MME: variants seen among roughly 807,000 people sequenced by gnomAD.
MME encodes the protein neprilysin.
In MME, 98 loss-of-function variants were observed where a neutral mutation model predicts 113.2. The observed-to-expected ratio is 0.87, with a 90% CI of 0.74 to 1.02. The LOEUF (loss-of-function observed/expected upper bound fraction) is 1.02. Among genes scored for constraint, MME ranks in the 50% least tolerant of loss-of-function variants. The probability of loss-of-function intolerance (pLI) is 0.00; values close to 1 mark genes in which losing one functional copy is unlikely to be tolerated. For synonymous variants in MME, 292 were observed against 300.6 expected (o/e 0.97, Z 0.30); for missense variants, 836 against 896.0 (o/e 0.93, Z 0.86).
At chr3:155,152,297 C>A (rs1467222283) in intron 16 of MME, among the ~76,000 whole-genome samples, 3 of 152,142 alleles carry the variant, frequency 2.0e-5, no homozygotes, top group African/African-American at 7.2e-5. Context: ...CCTCACAGCA[C>A]CCCATTGCAT....
chr3:155,180,073 T>C (rs1453190665), intron 22 of MME, among the ~76,000 whole-genome samples: 1 of 152,200 alleles, frequency 6.6e-6, no homozygotes, highest in Admixed American at 6.5e-5. Context: ...AACCTTAAGA[T>C]GCATGTTCTA....
intron 20 of MME, 152 bp downstream of exon 20, chr3:155,168,949 A>C: frequency 1.5e-6 from 1 of 667,198 alleles, no homozygotes; most frequent in Non-Finnish European, 2.6e-6. Context: ...AAGAGTGGTG[A>C]ATATGCTAAC....
intron 1 of MME, chr3:155,081,469 T>C (rs1243507388): frequency 6.6e-6 from 1 of 152,242 alleles, no homozygotes; most frequent in Non-Finnish European, 1.5e-5. Context: ...TTAGACCTCC[T>C]AATTCTCTAT....
chr3:155,068,523 A>C (rs1303132285), intron 1 of MME, among the ~76,000 whole-genome samples: 1 of 152,220 alleles, frequency 6.6e-6, no homozygotes, highest in Non-Finnish European at 1.5e-5. Context: ...GGCTGGTCTG[A>C]CACGGTGTCA....
intron 8 of MME, among the ~76,000 whole-genome samples, chr3:155,132,059 G>A (rs375420465): frequency 9.9e-5 from 15 of 152,274 alleles, no homozygotes; most frequent in African/African-American, 3.6e-4. Context: ...AATGGGGAAG[G>A]CAGAACATTG....
intron 16 of MME, among the ~76,000 whole-genome samples, chr3:155,149,591 C>T (rs1472063885): frequency 6.6e-6 from 1 of 151,920 alleles, no homozygotes; most frequent in Admixed American, 6.6e-5. Flanking sequence ...CAAAGGTGAA[C>T]TTTGATTACA....
chr3:155,088,794 A>T (rs1433705801), intron 3 of MME, among the ~76,000 whole-genome samples: 1 of 152,186 alleles, frequency 6.6e-6, no homozygotes, highest in East Asian at 1.9e-4. Context: ...GGTGGGTTCA[A>T]ACCTGAGCTC....
intron 18 of MME, among the ~76,000 whole-genome samples, chr3:155,168,146 T>A (rs577135599): frequency 6.6e-6 from 1 of 152,304 alleles, no homozygotes; most frequent in East Asian, 1.9e-4. Context: ...GTTGGCCATT[T>A]TAAAAATCTC....
upstream of MME, chr3:155,079,662 C>A (rs890986715): frequency 1.3e-5 from 2 of 149,472 alleles, no homozygotes; most frequent in African/African-American, 2.5e-5. Context: ...CGCCGAGACG[C>A]GCGGGGCGCG....
chr3:155,180,302 G>A, intron 22 of MME, 58 bp from the exon 23 acceptor site: 1 of 1,207,046 alleles, frequency 8.3e-7, no homozygotes. Flanking sequence ...CAGGGCTCCA[G>A]TGTGGTATGG....
Position 155,116,945 on chromosome 3 carries a change from G to T in MME, c.613G>T (p.Val205Phe). Residue 205 changes from valine (V) to phenylalanine (F), a missense_variant, in exon 7 of 23, where the codon GTT becomes TTT. By Grantham distance (50) the Val-to-Phe change is conservative. Transcript: ENST00000360490. ...GAAAAAAGTCCTTATTAATTTGTTT[G>T]TTGGCACTGATGATAAGAATTCTGT... ...YGKKVLINLF[V>F]GTDDKNSVNH... The T allele has an allele frequency of 6.2e-7, 1 of 1,608,502 alleles. No homozygotes were observed. Among genetic ancestry groups the T allele is most frequent in the Non-Finnish European group, 8.5e-7 (1 of 1,175,274 alleles).
At chr3:155,129,624 C>T (rs932847300) in intron 8 of MME, among the ~76,000 whole-genome samples, 1 of 152,146 alleles carries the variant, frequency 6.6e-6, no homozygotes, top group Non-Finnish European at 1.5e-5. Flanking sequence ...TCCTAACAAA[C>T]TGTTCTCAAG....
chr3:155,140,036 C>A (rs926056330), intron 9 of MME, among the ~76,000 whole-genome samples, 155 bp from the exon 10 acceptor site: 4 of 152,154 alleles, frequency 2.6e-5, no homozygotes, highest in Admixed American at 1.3e-4. Context: ...TCTTACATTT[C>A]ACTTTTTTTG....
chr3:155,114,321 A>G (rs1718424253), intron 3 of MME, among the ~76,000 whole-genome samples: 1 of 152,164 alleles, frequency 6.6e-6, no homozygotes, highest in Non-Finnish European at 1.5e-5. Context: ...CAACGTCTTG[A>G]TTGTAAATAC....
intron 22 of MME, among the ~76,000 whole-genome samples, chr3:155,178,287 A>G (rs3773872): frequency 0.43 from 65,517 of 151,956 alleles, 15,171 homozygotes; most frequent in African/African-American, 0.61. Flanking sequence ...GAAAGATAGG[A>G]GAGTTGTGGT....
At chr3:155,128,771 GC>G (rs1719904623) in intron 8 of MME, among the ~76,000 whole-genome samples, 1 of 151,938 alleles carries the variant, frequency 6.6e-6, no homozygotes, top group East Asian at 1.9e-4. Context: ...AAAGTTTCTG[GC>G]CCTTAAATAC....
At chr3:155,148,989 C>G (rs1323174579) in intron 16 of MME, among the ~76,000 whole-genome samples, 1 of 152,102 alleles carries the variant, frequency 6.6e-6, no homozygotes, top group East Asian at 1.9e-4. Flanking sequence ...TAAGCCTTCT[C>G]TTAGGCCTTA....
intron 3 of MME, among the ~76,000 whole-genome samples, chr3:155,091,978 A>G (rs965013850): frequency 5.3e-5 from 8 of 152,192 alleles, no homozygotes; most frequent in African/African-American, 1.4e-4. Flanking sequence ...GTATATGTAT[A>G]TAAAGTCTCA....
chr3:155,071,247 A>T (rs1321544821), intron 1 of MME, among the ~76,000 whole-genome samples: 1 of 152,198 alleles, frequency 6.6e-6, no homozygotes, highest in African/African-American at 2.4e-5. Context: ...ACATGAGGGG[A>T]TAAGCATATC....
Sources: gnomAD v4.1 joint callset for allele counts (sites outside exome capture counted in the v4.1 genomes callset) on GRCh38, gnomAD v4.1.1 for gene constraint, MANE v1.5 for transcripts, NCBI Gene and HGNC (gene_info 2026-07-23, HGNC 2026-07-21) for gene names.